Variants in PHLDB1 observed in about 807,000 individuals in gnomAD.
PHLDB1 encodes pleckstrin homology-like domain family B member 1.
Under a neutral mutation model 139.3 loss-of-function variants are expected in PHLDB1, and 65 were observed. The observed-to-expected ratio is 0.47, with a 90% confidence interval of 0.38 to 0.57. The LOEUF is 0.57. Among genes scored for constraint, PHLDB1 ranks in the 20% least tolerant of loss-of-function variants. The pLI, the probability that PHLDB1 is intolerant of heterozygous loss-of-function variation, is 0.00. For synonymous variants in PHLDB1, 679 were observed against 734.5 expected (o/e 0.92, Z 1.22); for missense variants, 1,624 against 1,839.7 (o/e 0.88, Z 2.14).
intron 4 of PHLDB1, chr11:118,624,336 G>A (rs546379993): frequency 1.3e-5 from 2 of 152,866 alleles, no homozygotes; most frequent in East Asian, 1.9e-4. Context: ...AGATCTCACA[G>A]CTAGTAAGAA....
Position 118,641,701 on chromosome 11 carries a change from G to A in PHLDB1, c.2737-553G>A, listed in dbSNP as rs868922809. 24 of 1,289,328 alleles carry A rather than the reference G, an allele frequency of 1.9e-5. No individual in the cohort carries two copies. The East Asian group carries it at 5.6e-4, about 30-fold the overall frequency. 79.9% of individuals were successfully genotyped at this position (1,289,328 alleles called of 1,614,324 possible). A position where few individuals can be genotyped will look rare whatever the true frequency, so the allele number is the denominator to read the frequency against. ...GCCAGGCCTTTCTCCCTGGGCCTCC[G>A]CCTCCCGGGACCTGGTTCCCACCAC... On this transcript the variant is annotated intron_variant, in intron 12 of 22. Transcript: ENST00000600882.
chr11:118,610,364 C>T lies in PHLDB1; in HGVS notation c.-22+2665C>T. 1 of 755,926 alleles carries T rather than the reference C, an allele frequency of 1.3e-6. No homozygotes were observed. Among genetic ancestry groups the T allele is most frequent in the Non-Finnish European group, 1.6e-6 (1 of 619,970 alleles). The allele number at this position is 755,926 out of a possible 1,614,324, so 46.8% of individuals were successfully genotyped here. ...CTGGGCTCCCCGCCTCAGTTTCCTTCCCTTCCTGACTCCTTCCTCTGACGG... is the reference window on the plus strand; with the variant it reads ...CTGGGCTCCCCGCCTCAGTTTCCTTTCCTTCCTGACTCCTTCCTCTGACGG... On this transcript the variant is annotated intron_variant, in intron 1 of 22. Coordinates refer to ENST00000600882, the MANE Select transcript of PHLDB1 (RefSeq NM_001144758.3). This position sits in a 1 kb window ranked among gnomAD's most constrained non-coding sequence, Gnocchi z 8.7.
Position 118,645,231 on chromosome 11 carries a change from G to A in PHLDB1, c.3122-125G>A, listed in dbSNP as rs1209353369. On this transcript the variant is annotated intron_variant, in intron 15 of 22. Transcript: ENST00000600882. This position sits in a 1 kb window ranked among gnomAD's most constrained non-coding sequence, Gnocchi z 5.1. ...TGCAGGGGCCTTAGGGAAGCTGCGG[G>A]GAGAGGGGGCTGCTCTGTGTTAACC... is the stretch of plus-strand genomic sequence containing the variant. 6.3e-6 allele frequency: 4 copies of A among 637,138 alleles called. No individual in the cohort carries two copies. Among genetic ancestry groups the A allele is most frequent in the Non-Finnish European group, 1.0e-5 (4 of 397,254 alleles). The allele number at this position is 637,138 out of a possible 1,614,324, so 39.5% of individuals were successfully genotyped here.
intron 11 of PHLDB1, 74 bp downstream of exon 11, chr11:118,639,075 T>A: frequency 6.4e-7 from 1 of 1,551,918 alleles, no homozygotes. Context: ...GACTGGGGTG[T>A]AAATGTGCTG....
chr11:118,632,548 C>T lies in PHLDB1; in HGVS notation c.2379+252C>T. ...TCTGTGTGCTACCTCTGGGTGCCTG[C>T]CATCCTAGGCCCTTTATGGCCCTTC... On this transcript the variant is annotated intron_variant, in intron 9 of 22. Coordinates refer to ENST00000600882, the MANE Select transcript of PHLDB1 (RefSeq NM_001144758.3). The surrounding 1 kb of genome is among the most constrained non-coding windows in gnomAD (Gnocchi z 5.9). The T allele has an allele frequency of 1.9e-6, 1 of 538,886 alleles. No homozygotes were observed. Among genetic ancestry groups the T allele is most frequent in the Non-Finnish European group, 3.3e-6 (1 of 302,368 alleles). 33.4% of individuals were successfully genotyped at this position (538,886 alleles called of 1,614,324 possible).
chr11:118,620,121 G>A lies in PHLDB1; in HGVS notation c.355+3910G>A, dbSNP rs114884144. 6.4e-3 allele frequency among the ~76,000 whole-genome samples: 970 copies of A among 152,308 alleles called. 8 individuals carry two copies. Among genetic ancestry groups the A allele is most frequent in the African/African-American group, 0.021 (893 of 41,560 alleles). On this transcript the variant is annotated intron_variant, in intron 4 of 22. Coordinates refer to ENST00000600882, the MANE Select transcript of PHLDB1 (RefSeq NM_001144758.3). This position sits in a 1 kb window ranked among gnomAD's most constrained non-coding sequence, Gnocchi z 4.1. ...CTGAGAGCATAAAACATTGTGTCCC[G>A]TAAGGCTCTGGTGTGCAGGGGCCAG...
intron 20 of PHLDB1, chr11:118,655,364 G>C: frequency 2.5e-6 from 1 of 395,428 alleles, no homozygotes; most frequent in South Asian, 3.6e-5. Flanking sequence ...TTTTGTCATT[G>C]GGGTAGGTGA....
chr11:118,644,029 A>T, intron 14 of PHLDB1, 43 bp from the exon 15 acceptor site: 3 of 1,607,208 alleles, frequency 1.9e-6, no homozygotes, highest in Non-Finnish European at 1.7e-6. Context: ...AATGGGGGTA[A>T]GGGCCTTCTG....
chr11:118,622,888 G>A (rs1173759264), intron 4 of PHLDB1, among the ~76,000 whole-genome samples: 1 of 152,148 alleles, frequency 6.6e-6, no homozygotes, highest in African/African-American at 2.4e-5. Context: ...TGGCAGGGAA[G>A]GCTCCCTCTC....
At position 118,628,574 on chromosome 11, in the gene PHLDB1, A is replaced by G; in HGVS notation, c.1751A>G (p.Asp584Gly). The G allele has an allele frequency of 6.2e-7, 1 of 1,613,086 alleles. No individual in the cohort carries two copies. Among genetic ancestry groups the G allele is most frequent in the Admixed American group, 1.7e-5 (1 of 60,022 alleles). ...ERKNSITEIS[D>G]NEDDLLEYHR... The stretch of plus-strand genomic sequence containing the variant: ...AAAAATAGCATCACAGAGATCAGTG[A>G]CAATGAGGACGACCTCCTGGAGTAC... The change falls in exon 6 of 23, where the codon GAC (aspartate) becomes GGC (glycine). Residue 584 changes from aspartate to glycine, a missense_variant. By Grantham distance (94) the Asp-to-Gly change is moderately conservative (BLOSUM62 -1). Coordinates refer to ENST00000600882, the MANE Select transcript of PHLDB1 (RefSeq NM_001144758.3).
At chr11:118,649,058 C>T (rs1947975511) in intron 18 of PHLDB1, among the ~76,000 whole-genome samples, 1 of 152,154 alleles carries the variant, frequency 6.6e-6, no homozygotes, top group Non-Finnish European at 1.5e-5. Flanking sequence ...GTACACAGAT[C>T]ACTTGAGTCC....
rs1944066850 is a variant in PHLDB1 at position 118,627,403 on chromosome 11, G to A, written c.580G>A (p.Glu194Lys). The part of the protein sequence containing the change: ...ASHSSLVSSI[E>K]KDLQEIMDSL... ...CCACAGTTCCCTGGTGAGCTCTATT[G>A]AGAAGGACCTGCAAGAGATCATGGA... The change falls in exon 6 of 23, where the codon GAG (glutamate) becomes AAG (lysine). Residue 194 changes from glutamate to lysine, a missense_variant. Physicochemically the swap from Glu to Lys is moderately conservative, Grantham distance 56 (BLOSUM62 1). Transcript: ENST00000600882. The A allele has an allele frequency of 1.2e-6, 2 of 1,614,092 alleles. No individual in the cohort carries two copies. Among genetic ancestry groups the A allele is most frequent in the East Asian group, 2.2e-5 (1 of 44,902 alleles).
chr11:118,641,566 G>C, intron 12 of PHLDB1: 1 of 1,169,982 alleles, frequency 8.5e-7, no homozygotes, highest in African/African-American at 1.6e-5. Flanking sequence ...ATGTGTTCTG[G>C]TTCCATTAAC....
At chr11:118,634,982 C>G (rs1345981686) in intron 9 of PHLDB1, 3 of 462,632 alleles carry the variant, frequency 6.5e-6, no homozygotes, top group South Asian at 1.5e-5. Context: ...CGCTCTACGC[C>G]GAGCTCCAGA....
chr11:118,642,433 C>T (rs782344800), intron 13 of PHLDB1, 39 bp downstream of exon 13: 2 of 1,590,644 alleles, frequency 1.3e-6, no homozygotes, highest in East Asian at 2.2e-5. Context: ...CCAGCCTTTG[C>T]ACCTGTCCAC....
rs575110016 is a variant in PHLDB1 at position 118,618,073 on chromosome 11, G to A, written c.355+1862G>A. On this transcript the variant is annotated intron_variant, in intron 4 of 22. Transcript: ENST00000600882. ...AGCTCCCTGAGAAGGGGAGAGCCTA[G>A]GGCTAAGATGGAATTCTGAAGCATT... Among the ~76,000 whole-genome samples, 18 of 152,150 alleles carry A rather than the reference G, an allele frequency of 1.2e-4. 1 individual carries two copies. The South Asian group carries it at 3.7e-3, about 32-fold the overall frequency.
At chr11:118,642,534 C>CG in intron 13 of PHLDB1, 140 bp downstream of exon 13, 1 of 987,522 alleles carries the variant, frequency 1.0e-6, no homozygotes, top group Admixed American at 2.5e-5. Context: ...CCTCTGGGCC[C>CG]TGAGAGGGTC....
chr11:118,656,441 C>G (rs1436190212), intron 22 of PHLDB1, among the ~76,000 whole-genome samples: 4 of 152,222 alleles, frequency 2.6e-5, no homozygotes, highest in Non-Finnish European at 4.4e-5. Context: ...CCCCCCTTGT[C>G]AGGGTATAGC....
chr11:118,635,215 A>C (rs1011339662), intron 9 of PHLDB1, 178 bp from the exon 10 acceptor site: 16 of 726,456 alleles, frequency 2.2e-5, no homozygotes, highest in Non-Finnish European at 3.5e-5. Flanking sequence ...TCAGCGCTCC[A>C]GGCCATGATG....
Sources: allele counts gnomAD v4.1 joint callset (sites outside exome capture counted in the v4.1 genomes callset), GRCh38; gene constraint gnomAD v4.1.1; non-coding constraint Gnocchi (gnomAD v3.1); transcripts MANE v1.5; gene names NCBI Gene and HGNC (gene_info 2026-07-23, HGNC 2026-07-21).